Variants in SNTB1 observed in about 807,000 individuals in gnomAD.
The protein encoded by SNTB1 is syntrophin beta 1.
In SNTB1, 36 loss-of-function variants were observed where a neutral mutation model predicts 48.9. That is an observed-to-expected ratio of 0.74 (90% CI 0.56 to 0.97). SNTB1 has a LOEUF of 0.97. Ranked by LOEUF, SNTB1 falls within the 50% of genes least tolerant of loss-of-function variation. SNTB1 has a pLI of 0.00. For synonymous variants in SNTB1, 299 were observed against 294.6 expected (o/e 1.01, Z -0.15); for missense variants, 786 against 703.4 (o/e 1.12, Z -1.33).
intron 1 of SNTB1, among the ~76,000 whole-genome samples, chr8:120,698,607 C>G (rs1238622125): frequency 2.0e-5 from 3 of 151,796 alleles, no homozygotes; most frequent in South Asian, 4.2e-4. Flanking sequence ...ATTTCTGGTA[C>G]AGAGGAAGTA....
At chr8:120,547,576 G>C (rs1228668265) in intron 5 of SNTB1, among the ~76,000 whole-genome samples, 1 of 109,874 alleles carries the variant, frequency 9.1e-6, no homozygotes, top group South Asian at 3.3e-4. Context: ...CAGGTGACAA[G>C]AGCAAAACAC....
intron 1 of SNTB1, among the ~76,000 whole-genome samples, chr8:120,754,035 C>G (rs1297070949): frequency 6.6e-6 from 1 of 152,106 alleles, no homozygotes. Flanking sequence ...AGTTTGTAAA[C>G]TAATACCATG....
At chr8:120,745,222 A>G (rs1451374298) in intron 1 of SNTB1, among the ~76,000 whole-genome samples, 1 of 152,000 alleles carries the variant, frequency 6.6e-6, no homozygotes, top group Non-Finnish European at 1.5e-5. Context: ...TGCAGCTTTC[A>G]TCAGCCCCTG....
intron 1 of SNTB1, among the ~76,000 whole-genome samples, chr8:120,753,159 T>C (rs754560656): frequency 3.3e-5 from 5 of 152,014 alleles, no homozygotes; most frequent in Non-Finnish European, 7.4e-5. Flanking sequence ...AAATCACCTG[T>C]GTCAATCCTG....
chr8:120,738,246 A>C (rs1416267056), intron 1 of SNTB1, among the ~76,000 whole-genome samples: 1 of 152,152 alleles, frequency 6.6e-6, no homozygotes, highest in East Asian at 1.9e-4. Context: ...ATGAGAAACA[A>C]ATTTTTGTTG....
chr8:120,580,909 C>G (rs1245977290), intron 3 of SNTB1, among the ~76,000 whole-genome samples: 1 of 151,924 alleles, frequency 6.6e-6, no homozygotes, highest in African/African-American at 2.4e-5. Flanking sequence ...CCCCAGGACC[C>G]AGGAATCAGG....
chr8:120,559,272 G>T (rs1176289448), intron 4 of SNTB1, among the ~76,000 whole-genome samples: 1 of 152,142 alleles, frequency 6.6e-6, no homozygotes, highest in Non-Finnish European at 1.5e-5. Context: ...GTAGTAACTT[G>T]GTTGTTTAGG....
At chr8:120,662,221 T>A (rs35223644) in intron 2 of SNTB1, among the ~76,000 whole-genome samples, 2 of 152,066 alleles carry the variant, frequency 1.3e-5, no homozygotes, top group Non-Finnish European at 2.9e-5. Flanking sequence ...CTAAACTATC[T>A]AGACAAGTTT....
rs201806157 is a variant in SNTB1 at position 120,797,416 on chromosome 8, T to A, written c.571+13857A>T. 1.1e-4 allele frequency among the ~76,000 whole-genome samples: 17 copies of A among 152,140 alleles called. No individual in the cohort carries two copies. In the East Asian group the frequency reaches 3.3e-3, roughly 29 times the overall value. On this transcript the variant is annotated intron_variant, in intron 1 of 6. Coordinates refer to ENST00000517992, the MANE Select transcript of SNTB1 (RefSeq NM_021021.4). ...CACATATGACTTTGTTATTCAGGGGTTGATATTCAATCAGGAGTTGACATA... is the reference window on the plus strand; with the variant it reads ...CACATATGACTTTGTTATTCAGGGGATGATATTCAATCAGGAGTTGACATA...
intron 1 of SNTB1, among the ~76,000 whole-genome samples, chr8:120,788,527 G>A (rs147383410): frequency 1.5e-3 from 224 of 152,122 alleles, no homozygotes; most frequent in Admixed American, 3.5e-3. Context: ...TGGACCCAAG[G>A]TAAGGGGGTG....
At chr8:120,598,719 G>A (rs1217814865) in intron 3 of SNTB1, among the ~76,000 whole-genome samples, 1 of 152,106 alleles carries the variant, frequency 6.6e-6, no homozygotes, top group Admixed American at 6.6e-5. Flanking sequence ...CGAATTAATG[G>A]GGGAAAGTCA....
intron 5 of SNTB1, among the ~76,000 whole-genome samples, chr8:120,547,745 CCTTT>C (rs912649441): frequency 6.6e-6 from 1 of 152,134 alleles, no homozygotes; most frequent in Non-Finnish European, 1.5e-5. Flanking sequence ...ACCGACTTGC[CCTTT>C]CTAAGAGCTC....
intron 1 of SNTB1, among the ~76,000 whole-genome samples, chr8:120,767,203 A>G (rs1406887458): frequency 6.6e-6 from 1 of 151,894 alleles, no homozygotes; most frequent in Non-Finnish European, 1.5e-5. Flanking sequence ...TGTCCTCTGT[A>G]TTCTAGTTTG....
At chr8:120,652,043 T>C (rs1817418774) in intron 2 of SNTB1, among the ~76,000 whole-genome samples, 1 of 152,232 alleles carries the variant, frequency 6.6e-6, no homozygotes, top group Admixed American at 6.5e-5. Flanking sequence ...ACTTTGTATC[T>C]TTTAAATTTT....
At chr8:120,682,862 G>C (rs76906764) in intron 2 of SNTB1, among the ~76,000 whole-genome samples, 5,728 of 148,816 alleles carry the variant, frequency 0.038, 362 homozygotes, top group African/African-American at 0.13. Context: ...AATACTCATA[G>C]TTTTTTGTTT....
At chr8:120,797,546 C>CTTTTTTTTTTTTTTT (rs60374035) in intron 1 of SNTB1, among the ~76,000 whole-genome samples, 9 of 69,088 alleles carry the variant, frequency 1.3e-4, no homozygotes, top group African/African-American at 2.8e-4. Flanking sequence ...ACTTGTTTCT[C>CTTTTTTTTTTTTTTT]TTTTTTTTTT....
At chr8:120,682,488 A>G (rs909093239) in intron 2 of SNTB1, among the ~76,000 whole-genome samples, 1 of 152,194 alleles carries the variant, frequency 6.6e-6, no homozygotes, top group Non-Finnish European at 1.5e-5. Flanking sequence ...AATTCAACCC[A>G]ACCTCTCTGA....
At chr8:120,557,860 T>C (rs1815592009) in intron 4 of SNTB1, among the ~76,000 whole-genome samples, 2 of 152,236 alleles carry the variant, frequency 1.3e-5, no homozygotes, top group Admixed American at 1.3e-4. Flanking sequence ...AAGGAAAGTA[T>C]ACACATACAC....
At chr8:120,573,762 C>T (rs1051008522) in intron 4 of SNTB1, among the ~76,000 whole-genome samples, 5 of 152,060 alleles carry the variant, frequency 3.3e-5, no homozygotes, top group African/African-American at 1.2e-4. Context: ...ATCCAGTTTT[C>T]CCAGCACCAT....
Sources: allele counts gnomAD v4.1 joint callset (sites outside exome capture counted in the v4.1 genomes callset), GRCh38; gene constraint gnomAD v4.1.1; transcripts MANE v1.5; gene names NCBI Gene and HGNC (gene_info 2026-07-23, HGNC 2026-07-21).